Variants in PLEKHA5 observed in about 807,000 individuals in gnomAD.
The protein encoded by PLEKHA5 is pleckstrin homology domain containing A5, also known as pleckstrin homology domain-containing family A member 5.
In PLEKHA5, 55 loss-of-function variants were observed where a neutral mutation model predicts 181.9. The observed-to-expected ratio is 0.30, with a 90% CI of 0.24 to 0.38. The LOEUF (loss-of-function observed/expected upper bound fraction) is 0.38. Ranked by LOEUF, PLEKHA5 falls within the 10% of genes least tolerant of loss-of-function variation. PLEKHA5 has a pLI of 1.00. For missense variants in PLEKHA5, 1,432 were observed against 1,549.5 expected, an observed-to-expected ratio of 0.92 and a Z score of 1.27; for synonymous variants, 535 against 529.4, an observed-to-expected ratio of 1.01 and a Z score of -0.15.
intron 7 of PLEKHA5, 96 bp from the exon 8 acceptor site, chr12:19,265,654 G>A (rs6486945): frequency 0.9 from 621,894 of 687,928 alleles, 286,447 homozygotes; most frequent in Middle Eastern, 0.97. Flanking sequence ...GTTCATTTAT[G>A]TACAAGAACC....
At chr12:19,288,589 A>T (rs1427423883) in intron 13 of PLEKHA5, among the ~76,000 whole-genome samples, 4 of 152,194 alleles carry the variant, frequency 2.6e-5, no homozygotes, top group Non-Finnish European at 5.9e-5. Context: ...AATTCATCTT[A>T]TGTGTTTTGT....
At chr12:19,347,447 A>G (rs1398828479) in intron 24 of PLEKHA5, among the ~76,000 whole-genome samples, 4 of 151,880 alleles carry the variant, frequency 2.6e-5, no homozygotes, top group Admixed American at 2.0e-4. Flanking sequence ...AACTTTTCCC[A>G]TGATGAAGCA....
chr12:19,235,806 G>A (rs1371783009), intron 3 of PLEKHA5, among the ~76,000 whole-genome samples: 1 of 152,132 alleles, frequency 6.6e-6, no homozygotes, highest in Non-Finnish European at 1.5e-5. Context: ...TTAAAACAGT[G>A]CAATGGCTTT....
intron 3 of PLEKHA5, among the ~76,000 whole-genome samples, chr12:19,136,870 A>G (rs1396306591): frequency 6.6e-6 from 1 of 152,152 alleles, no homozygotes; most frequent in Admixed American, 6.6e-5. Context: ...GCTGGATCTA[A>G]TGTATGCTAA....
chr12:19,168,612 C>T (rs1162211104), intron 3 of PLEKHA5, among the ~76,000 whole-genome samples: 1 of 152,186 alleles, frequency 6.6e-6, no homozygotes, highest in African/African-American at 2.4e-5. Flanking sequence ...CCTTCCTATG[C>T]ATTCCCCCCT....
intron 3 of PLEKHA5, among the ~76,000 whole-genome samples, chr12:19,245,070 G>A (rs1024618579): frequency 2.0e-5 from 3 of 152,126 alleles, no homozygotes; most frequent in African/African-American, 7.2e-5. Context: ...ACATTTTTCT[G>A]AAGGTAGAAA....
intron 22 of PLEKHA5, among the ~76,000 whole-genome samples, chr12:19,344,133 A>G (rs1370438533): frequency 1.3e-5 from 2 of 152,102 alleles, no homozygotes; most frequent in South Asian, 4.1e-4. Flanking sequence ...TGACCAAAAC[A>G]TTGGTATGTG....
rs73343073 is a variant in PLEKHA5 at position 19,162,213 on chromosome 12, G to T, written c.227+29763G>T. ...AATACTAGGTTTATGTATGTTAGGG[G>T]CTGTCTTCATCTAAAAATTATTTAT... On this transcript the variant is annotated intron_variant, in intron 3 of 31. Coordinates refer to ENST00000429027, the MANE Select transcript of PLEKHA5 (RefSeq NM_001256470.2). 3.2e-3 allele frequency among the ~76,000 whole-genome samples: 490 copies of T among 152,194 alleles called. 4 individuals carry two copies. The highest frequency in any genetic ancestry group is 0.011 in the African/African-American group (472 of 41,542).
intron 8 of PLEKHA5, among the ~76,000 whole-genome samples, chr12:19,266,150 G>A (rs1411945167): frequency 2.0e-5 from 3 of 151,956 alleles, no homozygotes; most frequent in Non-Finnish European, 4.4e-5. Flanking sequence ...ATTATTATAC[G>A]TTTTTTCAAC....
intron 3 of PLEKHA5, among the ~76,000 whole-genome samples, chr12:19,181,733 G>A (rs1031751805): frequency 1.3e-5 from 2 of 152,234 alleles, no homozygotes; most frequent in African/African-American, 2.4e-5. Flanking sequence ...CCGAGATCGC[G>A]CCACTGCACT....
chr12:19,340,893 T>A (rs1370911107), intron 21 of PLEKHA5, among the ~76,000 whole-genome samples: 3 of 147,744 alleles, frequency 2.0e-5, no homozygotes, highest in Non-Finnish European at 4.5e-5. Context: ...TCCACTATTG[T>A]CCTGTGACCC....
chr12:19,300,003 C>T (rs142578059), intron 15 of PLEKHA5, among the ~76,000 whole-genome samples: 319 of 152,304 alleles, frequency 2.1e-3, no homozygotes, highest in African/African-American at 7.3e-3. Context: ...CAAAGCACTC[C>T]GTTCTCTGCA....
chr12:19,183,758 G>C (rs953341460), intron 3 of PLEKHA5, among the ~76,000 whole-genome samples: 1 of 152,008 alleles, frequency 6.6e-6, no homozygotes, highest in African/African-American at 2.4e-5. Flanking sequence ...CTATTGCCCA[G>C]GCTGGAGCAC....
chr12:19,195,219 T>C (rs957419079), intron 3 of PLEKHA5, among the ~76,000 whole-genome samples: 7 of 152,206 alleles, frequency 4.6e-5, no homozygotes, highest in Non-Finnish European at 1.0e-4. Flanking sequence ...TGCTAGCACA[T>C]GTGCCTGTCA....
intron 3 of PLEKHA5, among the ~76,000 whole-genome samples, chr12:19,144,000 C>G (rs979400265): frequency 6.6e-6 from 1 of 152,144 alleles, no homozygotes; most frequent in African/African-American, 2.4e-5. Context: ...TGGTTCATCA[C>G]TTAACATTTG....
At chr12:19,133,534 C>A (rs374410271) in intron 3 of PLEKHA5, among the ~76,000 whole-genome samples, 1 of 151,916 alleles carries the variant, frequency 6.6e-6, no homozygotes, top group Admixed American at 6.6e-5. Context: ...ACCTTTATTT[C>A]ATTGAGCCTA....
chr12:19,307,575 C>T (rs142336537), intron 15 of PLEKHA5: 65 of 325,246 alleles, frequency 2.0e-4, no homozygotes, highest in South Asian at 2.2e-4. Context: ...TTCAAGATCA[C>T]ATTCTAGGAG....
chr12:19,334,532 A>G (rs553017224), intron 20 of PLEKHA5, among the ~76,000 whole-genome samples: 6 of 152,014 alleles, frequency 3.9e-5, no homozygotes, highest in Non-Finnish European at 8.8e-5. Context: ...ATACCCTCTT[A>G]GCCACTGGGC....
chr12:19,216,678 A>AG (rs2058036558), intron 3 of PLEKHA5, among the ~76,000 whole-genome samples: 2 of 151,700 alleles, frequency 1.3e-5, no homozygotes, highest in African/African-American at 4.8e-5. Flanking sequence ...AAAAAAAAAA[A>AG]GTTCTGTTAA....
Sources: allele counts gnomAD v4.1 joint callset (sites outside exome capture counted in the v4.1 genomes callset), GRCh38; gene constraint gnomAD v4.1.1; transcripts MANE v1.5; gene names NCBI Gene and HGNC (gene_info 2026-07-23, HGNC 2026-07-21).